Variants in PLPPR1 observed in about 807,000 individuals in gnomAD.
The protein encoded by PLPPR1 is phospholipid phosphatase-related protein type 1.
PLPPR1 carries 10 observed loss-of-function variants against 33.1 expected under a neutral mutation model. The ratio of observed to expected loss-of-function variants is 0.30; its 90% CI spans 0.19 to 0.51. PLPPR1 has a LOEUF of 0.51. Ranked by LOEUF, PLPPR1 falls within the 20% of genes least tolerant of loss-of-function variation. The pLI is 0.97. For missense variants in PLPPR1, 304 were observed against 408.1 expected, an observed-to-expected ratio of 0.74 and a Z score of 2.20; for synonymous variants, 151 against 151.0, an observed-to-expected ratio of 1.00 and a Z score of 0.00.
chr9:101,211,360 C>T (rs1204570485), intron 2 of PLPPR1, among the ~76,000 whole-genome samples: 1 of 152,134 alleles, frequency 6.6e-6, no homozygotes, highest in Admixed American at 6.5e-5. Context: ...ACTCTGAATT[C>T]ACATCTGAAA....
chr9:101,251,213 C>T (rs1189726344), intron 2 of PLPPR1, among the ~76,000 whole-genome samples: 2 of 152,032 alleles, frequency 1.3e-5, no homozygotes, highest in Non-Finnish European at 2.9e-5. Context: ...CATTTTTGTG[C>T]ACTGTTGTTT....
At chr9:101,036,719 A>AG (rs1830015417) in intron 1 of PLPPR1, among the ~76,000 whole-genome samples, 1 of 146,464 alleles carries the variant, frequency 6.8e-6, no homozygotes, top group Non-Finnish European at 1.5e-5. Context: ...AAAAAAAAAA[A>AG]AAGAAGAGGA....
At chr9:101,150,490 C>T (rs1831568360) in intron 1 of PLPPR1, among the ~76,000 whole-genome samples, 1 of 152,182 alleles carries the variant, frequency 6.6e-6, no homozygotes, top group African/African-American at 2.4e-5. Context: ...GAGCATTCTG[C>T]AACTTTAGTT....
At chr9:101,131,485 C>A (rs1405595544) in intron 1 of PLPPR1, 1 of 152,116 alleles carries the variant, frequency 6.6e-6, no homozygotes, top group Non-Finnish European at 1.5e-5. Flanking sequence ...CTGAGGAGGA[C>A]TTTTAGGACT....
At chr9:101,158,254 A>T (rs1831722777) in intron 1 of PLPPR1, among the ~76,000 whole-genome samples, 1 of 152,148 alleles carries the variant, frequency 6.6e-6, no homozygotes, top group African/African-American at 2.4e-5. Context: ...AGATGGAATG[A>T]AAAGGAAAAT....
chr9:101,286,110 A>G lies in PLPPR1; in HGVS notation c.259A>G (p.Ile87Val). 1.9e-6 allele frequency: 3 copies of G among 1,611,760 alleles called. No homozygotes were observed. The highest frequency in any genetic ancestry group is 1.1e-5 in the South Asian group (1 of 90,934). Residue 87 changes from isoleucine (I) to valine (V), a missense_variant, in exon 4 of 8, where the codon ATT becomes GTT. Coordinates refer to ENST00000374874, the MANE Select transcript of PLPPR1 (RefSeq NM_207299.2). ...LAATPTAIIF[I>V]GEISMYFIKS... ...TTAAACATTCCTTCCCTAGATTTTT[A>G]TTGGTGAGATATCCATGTATTTCAT...
intron 4 of PLPPR1, among the ~76,000 whole-genome samples, chr9:101,296,852 C>T (rs576676181): frequency 5.7e-4 from 86 of 151,794 alleles, no homozygotes; most frequent in Non-Finnish European, 1.0e-3. Context: ...TGCTAAATGA[C>T]GAGTTAATGG....
intron 2 of PLPPR1, among the ~76,000 whole-genome samples, chr9:101,224,831 G>A (rs1827029153): frequency 6.6e-6 from 1 of 152,132 alleles, no homozygotes; most frequent in Non-Finnish European, 1.5e-5. Flanking sequence ...TGGGTGTGGT[G>A]TGAGTGTCCC....
intron 1 of PLPPR1, among the ~76,000 whole-genome samples, chr9:101,126,432 GA>G (rs2118603493): frequency 6.6e-6 from 1 of 152,280 alleles, no homozygotes; most frequent in South Asian, 2.1e-4. Context: ...AGGAAGTAGG[GA>G]GATGGGAATT....
chr9:101,185,602 A>T, intron 2 of PLPPR1, 45 bp downstream of exon 2: 1 of 1,243,228 alleles, frequency 8.0e-7, no homozygotes, highest in Non-Finnish European at 1.2e-6. Context: ...AAATAAAAGT[A>T]ACAGTTTTTA....
chr9:101,153,751 A>T lies in PLPPR1; in HGVS notation c.-45-31699A>T, dbSNP rs1175355840. Among the ~76,000 whole-genome samples, 5 of 144,104 alleles carry T rather than the reference A, an allele frequency of 3.5e-5. No homozygotes were observed. In the East Asian group the frequency reaches 6.2e-4, roughly 18 times the overall value. 94.5% of individuals were successfully genotyped at this position (144,104 alleles called of 152,430 possible). ...CACCATGCCTGGCTATTTTTTTTGT[A>T]TTTTTTTTTTTTTAGTAGAGACGGG... On this transcript the variant is annotated intron_variant, in intron 1 of 7. Transcript: ENST00000374874.
chr9:101,047,658 C>T (rs935183292), intron 1 of PLPPR1, among the ~76,000 whole-genome samples: 2 of 152,046 alleles, frequency 1.3e-5, no homozygotes, highest in African/African-American at 4.8e-5. Context: ...ATGAATCCAC[C>T]CCGAGGATGG....
chr9:101,253,477 G>C (rs1827746257), intron 2 of PLPPR1, among the ~76,000 whole-genome samples: 1 of 151,950 alleles, frequency 6.6e-6, no homozygotes, highest in African/African-American at 2.4e-5. Context: ...AACCCAGGAG[G>C]CTGCAGTGAG....
At chr9:101,258,851 C>T (rs117278647) in intron 2 of PLPPR1, among the ~76,000 whole-genome samples, 4,502 of 152,214 alleles carry the variant, frequency 0.03, 130 homozygotes, top group Non-Finnish European at 0.042. Flanking sequence ...TTATATTTAT[C>T]CCAAATGTCA....
chr9:101,157,535 T>C (rs1198788884), intron 1 of PLPPR1, among the ~76,000 whole-genome samples: 1 of 152,144 alleles, frequency 6.6e-6, no homozygotes, highest in Admixed American at 6.5e-5. Context: ...TAAATGAAAT[T>C]ACCCAGGATA....
At chr9:101,312,086 T>A (rs1201929103) in intron 5 of PLPPR1, among the ~76,000 whole-genome samples, 1 of 152,178 alleles carries the variant, frequency 6.6e-6, no homozygotes, top group Non-Finnish European at 1.5e-5. Flanking sequence ...AGCTCAGGTC[T>A]TCTTGACCTT....
At chr9:101,059,487 C>G (rs1470428124) in intron 1 of PLPPR1, among the ~76,000 whole-genome samples, 1 of 151,976 alleles carries the variant, frequency 6.6e-6, no homozygotes, top group East Asian at 1.9e-4. Flanking sequence ...CCTATAATTA[C>G]ATGGAGGGAA....
At chr9:101,039,738 T>TAA (rs1830053241) in intron 1 of PLPPR1, among the ~76,000 whole-genome samples, 2 of 151,854 alleles carry the variant, frequency 1.3e-5, no homozygotes, top group African/African-American at 4.8e-5. Flanking sequence ...ACAGGGAAAC[T>TAA]CCTGTTTTTT....
chr9:101,131,413 A>G (rs534351289), intron 1 of PLPPR1: 4 of 152,232 alleles, frequency 2.6e-5, no homozygotes, highest in African/African-American at 9.6e-5. Flanking sequence ...TCCTAAGGCA[A>G]TTCCAAATTC....
Sources: allele counts gnomAD v4.1 joint callset (sites outside exome capture counted in the v4.1 genomes callset), GRCh38; gene constraint gnomAD v4.1.1; transcripts MANE v1.5; gene names NCBI Gene and HGNC (gene_info 2026-07-23, HGNC 2026-07-21).